The following BIRC6 variants were observed in gnomAD, a reference collection of about 807,000 sequenced individuals.
BIRC6 encodes the protein dual E2 ubiquitin-conjugating enzyme/E3 ubiquitin-protein ligase BIRC6.
A neutral mutation model predicts 503.3 loss-of-function variants in BIRC6; 98 were observed. The observed-to-expected ratio is 0.19, with a 90% CI of 0.17 to 0.23. The LOEUF (loss-of-function observed/expected upper bound fraction) is 0.23. Ranked by LOEUF, BIRC6 falls within the 10% of genes least tolerant of loss-of-function variation. The probability of loss-of-function intolerance (pLI) is 1.00; values close to 1 mark genes in which losing one functional copy is unlikely to be tolerated. For synonymous variants in BIRC6, 2,240 were observed against 2,078.7 expected, an observed-to-expected ratio of 1.08 and a Z score of -2.11; for missense variants, 5,360 against 5,806.0, an observed-to-expected ratio of 0.92 and a Z score of 2.50.
intron 65 of BIRC6, among the ~76,000 whole-genome samples, chr2:32,552,661 T>A (rs1207788466): frequency 6.6e-6 from 1 of 152,160 alleles, no homozygotes; most frequent in Non-Finnish European, 1.5e-5. Context: ...TTTAGTGATT[T>A]AATCATTAAG....
At chr2:32,431,181 C>CTGTTTTTTTTTTTTTTTTTTTTT (rs2044059703) in intron 12 of BIRC6, 91 bp downstream of exon 12, 1 of 65,364 alleles carries the variant, frequency 1.5e-5, no homozygotes, top group African/African-American at 9.7e-5. Flanking sequence ...TACTGTTTAT[C>CTGTTTTTTTTTTTTTTTTTTTTT]TTTTTTTTTT....
At position 32,618,018 on chromosome 2, in the gene BIRC6, T is replaced by C. The variant is rs185482851; in HGVS notation, c.*114T>C. ...ATAGGTAATGAAACTGAAACTATAC[T>C]ATGCCCTTAAGGAGATCCAGTTTAA... On this transcript the variant is annotated 3_prime_UTR_variant, in exon 74 of 74. Transcript: ENST00000421745. The C allele has an allele frequency of 2.3e-3, 2,434 of 1,064,124 alleles. 6 individuals are homozygous for C. Among genetic ancestry groups the C allele is most frequent in the Middle Eastern group, 6.1e-3 (28 of 4,572 alleles). The allele number at this position is 1,064,124 out of a possible 1,614,324, so 65.9% of individuals were successfully genotyped here. A position where few individuals can be genotyped will look rare whatever the true frequency, so the allele number is the denominator to read the frequency against.
intron 71 of BIRC6, among the ~76,000 whole-genome samples, chr2:32,606,988 CAA>C (rs951517467): frequency 7.0e-6 from 1 of 142,336 alleles, no homozygotes; most frequent in Non-Finnish European, 1.5e-5. Flanking sequence ...GCCTGGGTGA[CAA>C]GAGTGAAACT....
At chr2:32,523,856 ACAGTCTGCACAACAT>A (rs1450602222) in intron 57 of BIRC6, among the ~76,000 whole-genome samples, 2 of 152,128 alleles carry the variant, frequency 1.3e-5, no homozygotes, top group Non-Finnish European at 1.5e-5. Context: ...GATTTTGACA[ACAGTCTGCACAACAT>A]GGCGAAACCT....
At chr2:32,499,416 T>A (rs1384743215) in intron 45 of BIRC6, 131 bp from the exon 46 acceptor site, 1 of 780,238 alleles carries the variant, frequency 1.3e-6, no homozygotes, top group African/African-American at 1.7e-5. Context: ...ATCAAGAATT[T>A]GTTTAACTTT....
intron 70 of BIRC6, among the ~76,000 whole-genome samples, chr2:32,601,290 G>C (rs1335412157): frequency 1.3e-5 from 2 of 152,208 alleles, no homozygotes; most frequent in Non-Finnish European, 2.9e-5. Flanking sequence ...GCATTTACGA[G>C]AACCACCTAC....
At chr2:32,367,779 G>T (rs2035180321) in intron 1 of BIRC6, among the ~76,000 whole-genome samples, 1 of 152,174 alleles carries the variant, frequency 6.6e-6, no homozygotes, top group African/African-American at 2.4e-5. Flanking sequence ...TCACAGCACT[G>T]CACTCCAGTC....
chr2:32,399,014 C>T (rs1032557199), intron 6 of BIRC6, among the ~76,000 whole-genome samples: 1 of 151,978 alleles, frequency 6.6e-6, no homozygotes, highest in African/African-American at 2.4e-5. Flanking sequence ...CTTTCTTTGC[C>T]ATGGAAATAA....
chr2:32,595,267 T>A, intron 68 of BIRC6, 123 bp downstream of exon 68: 2 of 596,640 alleles, frequency 3.4e-6, no homozygotes, highest in Non-Finnish European at 5.8e-6. Flanking sequence ...TTTTACTTCA[T>A]ACATATCAAC....
intron 6 of BIRC6, among the ~76,000 whole-genome samples, chr2:32,398,738 C>G (rs548434749): frequency 1.6e-4 from 25 of 151,844 alleles, no homozygotes; most frequent in African/African-American, 5.8e-4. Context: ...CCGCGTGTAA[C>G]TTATATAAAT....
chr2:32,468,025 A>G lies in BIRC6; in HGVS notation c.5694A>G (p.Leu1898=). ...AACTGAAGTTAATGCATGATCCTCT[A>G]AAGGGAGAGGGAGAATCTGCAAACC... ...ESELKLMHDP[L]KGEGESANQP... The change falls in exon 28 of 74, where the codon CTA becomes CTG. Residue 1898 remains leucine, a synonymous_variant. Transcript: ENST00000421745. 6.2e-7 allele frequency: 1 copy of G among 1,613,868 alleles called. No individual in the cohort carries two copies. The highest frequency in any genetic ancestry group is 8.5e-7 in the Non-Finnish European group (1 of 1,179,832).
intron 70 of BIRC6, among the ~76,000 whole-genome samples, chr2:32,600,151 A>G (rs780821846): frequency 6.6e-6 from 1 of 152,216 alleles, no homozygotes; most frequent in Non-Finnish European, 1.5e-5. Flanking sequence ...TCTATGATAC[A>G]TGCTATTAGG....
chr2:32,370,975 A>G (rs1300541323), intron 1 of BIRC6, among the ~76,000 whole-genome samples: 1 of 152,148 alleles, frequency 6.6e-6, no homozygotes, highest in Non-Finnish European at 1.5e-5. Context: ...TAGAATTGGT[A>G]ACTAATTAAA....
At chr2:32,434,721 A>C (rs1282603443) in intron 13 of BIRC6, among the ~76,000 whole-genome samples, 1 of 151,904 alleles carries the variant, frequency 6.6e-6, no homozygotes, top group Non-Finnish European at 1.5e-5. Context: ...GTAGTGGTGC[A>C]CACCTGTGGT....
intron 1 of BIRC6, among the ~76,000 whole-genome samples, chr2:32,370,803 G>T (rs1354631059): frequency 6.6e-6 from 1 of 151,956 alleles, no homozygotes; most frequent in East Asian, 1.9e-4. Flanking sequence ...AATGATCTTT[G>T]CATATAGTAC....
rs533751836 is a variant in BIRC6, at chr2:32,489,991, A to C, written c.8096-50A>C. 16 of 1,299,774 alleles carry C rather than the reference A, an allele frequency of 1.2e-5. No individual in the cohort carries two copies. In the African/African-American group the frequency reaches 2.2e-4, roughly 18 times the overall value. 80.5% of individuals were successfully genotyped at this position (1,299,774 alleles called of 1,614,324 possible). On this transcript the variant is annotated intron_variant, in intron 42 of 73. Transcript: ENST00000421745. ...ATTTATTCTTTTGACTTAGTTCTTC[A>C]TAAACATTGTTTTTCTGAAAAATAT...
intron 5 of BIRC6, among the ~76,000 whole-genome samples, chr2:32,393,863 C>T (rs1326031498): frequency 6.6e-6 from 1 of 152,016 alleles, no homozygotes; most frequent in Non-Finnish European, 1.5e-5. Context: ...GTTAAAGTAA[C>T]TGTCATTTAG....
intron 9 of BIRC6, among the ~76,000 whole-genome samples, chr2:32,409,758 G>C (rs571986536): frequency 1.3e-5 from 2 of 152,220 alleles, no homozygotes; most frequent in South Asian, 2.1e-4. Flanking sequence ...AATAGAGAAG[G>C]GTTTTTAAAA....
chr2:32,421,298 G>T (rs1328590865), intron 10 of BIRC6, among the ~76,000 whole-genome samples: 1 of 151,498 alleles, frequency 6.6e-6, no homozygotes, highest in East Asian at 1.9e-4. Flanking sequence ...GAAGAGACAG[G>T]GTCTCACCAC....
Sources: allele counts gnomAD v4.1 joint callset (sites outside exome capture counted in the v4.1 genomes callset), GRCh38; gene constraint gnomAD v4.1.1; transcripts MANE v1.5; gene names NCBI Gene and HGNC (gene_info 2026-07-23, HGNC 2026-07-21).